Variants in DCUN1D1 observed in about 807,000 individuals in gnomAD.
DCUN1D1 encodes defective in cullin neddylation 1 domain containing 1, also known as DCN1-like protein 1.
A neutral mutation model predicts 39.0 loss-of-function variants in DCUN1D1; 3 were observed. The ratio of observed to expected loss-of-function variants is 0.08; its 90% confidence interval spans 0.04 to 0.20. The LOEUF (loss-of-function observed/expected upper bound fraction) is 0.20. Ranked by LOEUF, DCUN1D1 falls within the 10% of genes least tolerant of loss-of-function variation. The pLI is 1.00. For synonymous variants in DCUN1D1, 82 were observed against 96.3 expected (o/e 0.85, Z 0.87); for missense variants, 158 against 302.4 (o/e 0.52, Z 3.54).
chr3:182,943,702 G>A lies in DCUN1D1; in HGVS notation c.*1392C>T, dbSNP rs945796020. ...GTATTACATTTCTAGCCTGCCTTAC[G>A]GAAATGTTTAAGAAAGCAAGAAACC... On this transcript the variant is annotated 3_prime_UTR_variant, in exon 7 of 7. Transcript: ENST00000292782. 2 of 152,454 alleles carry A rather than the reference G, an allele frequency of 1.3e-5. No individual in the cohort carries two copies. The highest frequency in any genetic ancestry group is 2.9e-5 in the Non-Finnish European group (2 of 68,004). 9.4% of individuals were successfully genotyped at this position (152,454 alleles called of 1,614,324 possible).
intron 4 of DCUN1D1, among the ~76,000 whole-genome samples, chr3:182,951,328 T>A (rs573973756): frequency 8.2e-4 from 125 of 152,206 alleles, no homozygotes; most frequent in Non-Finnish European, 1.4e-3. Context: ...AATATTCAAA[T>A]AAGTACTAAC....
intron 1 of DCUN1D1, among the ~76,000 whole-genome samples, chr3:182,979,917 A>G (rs970090996): frequency 6.6e-6 from 1 of 152,124 alleles, no homozygotes; most frequent in Non-Finnish European, 1.5e-5. Flanking sequence ...GGAGAAAGGA[A>G]AAGGGCTGAT....
chr3:182,972,061 T>TG (rs1469009949), intron 1 of DCUN1D1, among the ~76,000 whole-genome samples: 1 of 147,594 alleles, frequency 6.8e-6, no homozygotes, highest in African/African-American at 2.7e-5. Context: ...TTTTTTTTTT[T>TG]TTTTTTTTTT....
At chr3:182,966,701 C>T (rs1235141463) in intron 1 of DCUN1D1, among the ~76,000 whole-genome samples, 1 of 152,232 alleles carries the variant, frequency 6.6e-6, no homozygotes, top group African/African-American at 2.4e-5. Flanking sequence ...ACCACTGTTA[C>T]TCTTCCTCCT....
chr3:182,949,549 A>G (rs1163090112), intron 4 of DCUN1D1, among the ~76,000 whole-genome samples: 1 of 152,090 alleles, frequency 6.6e-6, no homozygotes, highest in East Asian at 1.9e-4. Flanking sequence ...GCAAGACCCC[A>G]TCTCTAGAAA....
chr3:182,965,853 C>A, intron 1 of DCUN1D1, 100 bp from the exon 2 acceptor site: 1 of 742,894 alleles, frequency 1.3e-6, no homozygotes, highest in South Asian at 1.9e-5. Context: ...ACTTTTTCCT[C>A]ACAAAACATT....
intron 1 of DCUN1D1, 116 bp downstream of exon 1, chr3:182,980,371 G>T (rs989030978): frequency 4.3e-5 from 34 of 782,770 alleles, no homozygotes; most frequent in Non-Finnish European, 5.3e-5. Flanking sequence ...GACGGAGGCC[G>T]CGGGCCGAGG....
chr3:182,975,949 T>A (rs1728216920), intron 1 of DCUN1D1, among the ~76,000 whole-genome samples: 1 of 151,900 alleles, frequency 6.6e-6, no homozygotes, highest in African/African-American at 2.4e-5. Flanking sequence ...TAGTAGAGTG[T>A]ACCTTCTCGA....
intron 3 of DCUN1D1, 91 bp downstream of exon 3, chr3:182,963,790 C>T (rs989693858): frequency 2.7e-6 from 3 of 1,116,406 alleles, no homozygotes; most frequent in Non-Finnish European, 2.5e-6. Context: ...GTTTGTGGGC[C>T]AGCAAATCTT....
intron 1 of DCUN1D1, among the ~76,000 whole-genome samples, chr3:182,973,092 T>A (rs1210172801): frequency 6.6e-6 from 1 of 151,692 alleles, no homozygotes; most frequent in East Asian, 1.9e-4. Context: ...CTTATCCACA[T>A]GGGGGAGGGA....
upstream of DCUN1D1, among the ~76,000 whole-genome samples, chr3:182,984,998 T>G (rs956891877): frequency 2.0e-5 from 3 of 152,230 alleles, no homozygotes; most frequent in African/African-American, 4.8e-5. Flanking sequence ...TTTACACTAA[T>G]GTCCTTATTG....
At chr3:182,984,033 T>C (rs902583790), upstream of DCUN1D1, among the ~76,000 whole-genome samples, 4 of 152,226 alleles carry the variant, frequency 2.6e-5, no homozygotes, top group Admixed American at 6.5e-5. Flanking sequence ...GCACAATTCT[T>C]TGAGTTTTCA....
chr3:182,969,504 G>A (rs1450991672), intron 1 of DCUN1D1, among the ~76,000 whole-genome samples: 1 of 152,136 alleles, frequency 6.6e-6, no homozygotes, highest in Non-Finnish European at 1.5e-5. Context: ...CTTCCCAAGA[G>A]CAAAACCATG....
At chr3:182,974,578 T>A (rs1560181687) in intron 1 of DCUN1D1, among the ~76,000 whole-genome samples, 1 of 151,930 alleles carries the variant, frequency 6.6e-6, no homozygotes, top group Non-Finnish European at 1.5e-5. Context: ...GAATAAATGA[T>A]CCTTGAAAAA....
rs1011517050 is a variant in DCUN1D1, at chr3:182,944,745, G to C, written c.*349C>G. The C allele has an allele frequency of 2.2e-5, 4 of 178,834 alleles. No homozygotes were observed. The highest frequency in any genetic ancestry group is 9.5e-5 in the African/African-American group (4 of 42,234). The allele number at this position is 178,834 out of a possible 1,614,324, so 11.1% of individuals were successfully genotyped here. A position where few individuals can be genotyped will look rare whatever the true frequency, so the allele number is the denominator to read the frequency against. On this transcript the variant is annotated 3_prime_UTR_variant, in exon 7 of 7. Transcript: ENST00000292782. ...ATTCTTATGCCAACTGTTTTCTGAT[G>C]AAGACAGCATTGTGCTTTATGCGAG...
Position 182,946,249 on chromosome 3 carries a change from G to A in DCUN1D1, c.700+989C>T, listed in dbSNP as rs886134931. Among the ~76,000 whole-genome samples the A allele has an allele frequency of 9.2e-5, 14 of 152,014 alleles. 1 individual carries two copies. The highest frequency in any genetic ancestry group is 2.1e-4 in the South Asian group (1 of 4,818). ...GAATGCCAATAGTACTATATTAGGC[G>A]GCTGAAGTAAGTTTCAAAAAAAAAT... On this transcript the variant is annotated intron_variant, in intron 6 of 6. Coordinates refer to ENST00000292782, the MANE Select transcript of DCUN1D1 (RefSeq NM_020640.4).
Position 182,944,861 on chromosome 3 carries a change from A to G in DCUN1D1, c.*233T>C. On this transcript the variant is annotated 3_prime_UTR_variant, in exon 7 of 7. Coordinates refer to ENST00000292782, the MANE Select transcript of DCUN1D1 (RefSeq NM_020640.4). ...CCACAGATATAAGATGAAATCCACA[A>G]TGTTGGAATTATAAATGTTTAGAGC... is the stretch of plus-strand genomic sequence containing the variant. The G allele has an allele frequency of 2.3e-6, 1 of 430,826 alleles. No homozygotes were observed. The highest frequency in any genetic ancestry group is 3.3e-5 in the South Asian group (1 of 30,198). 26.7% of individuals were successfully genotyped at this position (430,826 alleles called of 1,614,324 possible). A position where few individuals can be genotyped will look rare whatever the true frequency, so the allele number is the denominator to read the frequency against.
At chr3:182,983,852 T>C (rs1395793408), upstream of DCUN1D1, among the ~76,000 whole-genome samples, 1 of 152,166 alleles carries the variant, frequency 6.6e-6, no homozygotes, top group Non-Finnish European at 1.5e-5. Context: ...TCAAAGACCA[T>C]CTTCTCTATG....
Position 182,941,589 on chromosome 3 carries a change from CA to C in DCUN1D1, c.*3504del, listed in dbSNP as rs780488090. Reference sequence around the variant, plus strand: ...AAAAAACATTTTATCATTACATTATCAAATTTGATAAAATCTTATGAAAACA... The same window carrying C: ...AAAAAACATTTTATCATTACATTATCAATTTGATAAAATCTTATGAAAACA... On this transcript the variant is annotated 3_prime_UTR_variant, in exon 7 of 7. Transcript: ENST00000292782. 6.6e-6 allele frequency: 1 copy of C among 151,918 alleles called. No individual in the cohort carries two copies. The highest frequency in any genetic ancestry group is 1.5e-5 in the Non-Finnish European group (1 of 67,946). 9.4% of individuals were successfully genotyped at this position (151,918 alleles called of 1,614,324 possible). A position where few individuals can be genotyped will look rare whatever the true frequency, so the allele number is the denominator to read the frequency against.
Sources: gnomAD v4.1 joint callset for allele counts (sites outside exome capture counted in the v4.1 genomes callset) on GRCh38, gnomAD v4.1.1 for gene constraint, MANE v1.5 for transcripts, NCBI Gene and HGNC (gene_info 2026-07-23, HGNC 2026-07-21) for gene names.